The following ZNF431 variants were observed in gnomAD, a reference collection of about 807,000 sequenced individuals.
ZNF431 encodes the protein zinc finger protein 431.
A neutral mutation model predicts 57.0 loss-of-function variants in ZNF431; 34 were observed. The ratio of observed to expected loss-of-function variants is 0.60; its 90% confidence interval spans 0.45 to 0.79. ZNF431 has a LOEUF of 0.79. Ranked by LOEUF, ZNF431 falls within the 30% of genes least tolerant of loss-of-function variation. The pLI is 0.00. For missense variants in ZNF431, 607 were observed against 667.1 expected, an observed-to-expected ratio of 0.91 and a Z score of 0.99; for synonymous variants, 207 against 220.3, an observed-to-expected ratio of 0.94 and a Z score of 0.54.
chr19:21,149,318 AT>A (rs1216800907), intron 2 of ZNF431, among the ~76,000 whole-genome samples: 1 of 152,232 alleles, frequency 6.6e-6, no homozygotes, highest in Non-Finnish European at 1.5e-5. Flanking sequence ...TATGTGACCT[AT>A]ATAACTTAGA....
Position 21,183,348 on chromosome 19 carries a change from T to C in ZNF431, c.1045T>C (p.Cys349Arg). Reference protein sequence around the residue: ...AGEKPYKCEECDKAFNRFSYL... With the variant: ...AGEKPYKCEERDKAFNRFSYL... Reference sequence around the variant, plus strand: ...AGAGAAACCCTACAAATGTGAGGAATGTGACAAAGCTTTTAATCGATTCTC... The same window carrying C: ...AGAGAAACCCTACAAATGTGAGGAACGTGACAAAGCTTTTAATCGATTCTC... Residue 349 changes from cysteine to arginine, a missense_variant, in exon 5 of 5, where the codon TGT becomes CGT. Cys to Arg is a radical substitution (Grantham distance 180, BLOSUM62 -3). Transcript: ENST00000311048. 6.2e-7 allele frequency: 1 copy of C among 1,613,860 alleles called. No individual in the cohort carries two copies. Among genetic ancestry groups the C allele is most frequent in the Non-Finnish European group, 8.5e-7 (1 of 1,179,884 alleles).
rs62124928 is a variant in ZNF431 at position 21,191,713 on chromosome 19, T to G, written c.*7679T>G. The G allele has an allele frequency of 6.6e-6, 1 of 152,240 alleles. No individual in the cohort carries two copies. Among genetic ancestry groups the G allele is most frequent in the Non-Finnish European group, 1.5e-5 (1 of 68,050 alleles). The allele number at this position is 152,240 out of a possible 1,614,324, so 9.4% of individuals were successfully genotyped here. A position where few individuals can be genotyped will look rare whatever the true frequency, so the allele number is the denominator to read the frequency against. ...TGTAAATACATGGATATATTTCTGC[T>G]GTTTTTTTCTTCTGCTCCATTGACC... On this transcript the variant is annotated 3_prime_UTR_variant, in exon 5 of 5. Coordinates refer to ENST00000311048, the MANE Select transcript of ZNF431 (RefSeq NM_133473.4).
In ZNF431 at chr19:21,184,322, T is replaced by C; in HGVS notation, c.*288T>C. On this transcript the variant is annotated 3_prime_UTR_variant, in exon 5 of 5. Coordinates refer to ENST00000311048, the MANE Select transcript of ZNF431 (RefSeq NM_133473.4). ...CCAAGATTGTACCACTGCACTCCAG[T>C]TTGGCAACAGAGTGAGACTCCGTCT... The C allele has an allele frequency of 4.1e-6, 1 of 242,954 alleles. No homozygotes were observed. The highest frequency in any genetic ancestry group is 2.2e-5 in the African/African-American group (1 of 44,584). The allele number at this position is 242,954 out of a possible 1,614,324, so 15.0% of individuals were successfully genotyped here.
intron 4 of ZNF431, among the ~76,000 whole-genome samples, chr19:21,181,917 G>A (rs1192837122): frequency 6.6e-6 from 1 of 152,044 alleles, no homozygotes; most frequent in Non-Finnish European, 1.5e-5. Context: ...TTATAATGTA[G>A]CTTTGTCCTG....
Position 21,193,509 on chromosome 19 carries a change from G to C in ZNF431, c.*9475G>C, listed in dbSNP as rs1306850357. The C allele has an allele frequency of 3.9e-5, 6 of 152,198 alleles. No homozygotes were observed. Among genetic ancestry groups the C allele is most frequent in the Admixed American group, 3.3e-4 (5 of 15,258 alleles). 9.4% of individuals were successfully genotyped at this position (152,198 alleles called of 1,614,324 possible). A position where few individuals can be genotyped will look rare whatever the true frequency, so the allele number is the denominator to read the frequency against. On this transcript the variant is annotated 3_prime_UTR_variant, in exon 5 of 5. Transcript: ENST00000311048. ...GCCATTGCACTCCAGCCTAGGCAATGAGTGAAACTCCATCTCAAAATAAAT... is the reference window on the plus strand; with the variant it reads ...GCCATTGCACTCCAGCCTAGGCAATCAGTGAAACTCCATCTCAAAATAAAT...
In ZNF431 at chr19:21,190,425, C is replaced by T. The variant is rs1411413378; in HGVS notation, c.*6391C>T. On this transcript the variant is annotated 3_prime_UTR_variant, in exon 5 of 5. Coordinates refer to ENST00000311048, the MANE Select transcript of ZNF431 (RefSeq NM_133473.4). ...ATCTGTATTTTGTTTTTCGTAATGG[C>T]TATCCTCATTTACGTTCACACCAAC... is the stretch of plus-strand genomic sequence containing the variant. The T allele has an allele frequency of 2.6e-5, 4 of 152,128 alleles. No homozygotes were observed. Among genetic ancestry groups the T allele is most frequent in the African/African-American group, 7.2e-5 (3 of 41,438 alleles). The allele number at this position is 152,128 out of a possible 1,614,324, so 9.4% of individuals were successfully genotyped here. A position where few individuals can be genotyped will look rare whatever the true frequency, so the allele number is the denominator to read the frequency against.
At chr19:21,182,385 C>T (rs1002810544) in intron 4 of ZNF431, among the ~76,000 whole-genome samples, 2 of 152,166 alleles carry the variant, frequency 1.3e-5, no homozygotes, top group Non-Finnish European at 1.5e-5. Context: ...CTTTGCATTC[C>T]TGTGTACTCA....
At chr19:21,178,601 CA>C (rs1344667204) in intron 4 of ZNF431, among the ~76,000 whole-genome samples, 5 of 152,030 alleles carry the variant, frequency 3.3e-5, no homozygotes, top group African/African-American at 1.2e-4. Flanking sequence ...TGATGAATTA[CA>C]TCGATTTTTG....
chr19:21,143,516 G>A, intron 1 of ZNF431, 35 bp from the exon 2 acceptor site: 1 of 1,541,958 alleles, frequency 6.5e-7, no homozygotes. Context: ...AAAGTGCCTA[G>A]TGAATATCAG....
In ZNF431 at chr19:21,183,552, A is replaced by G. The variant is rs755497434; in HGVS notation, c.1249A>G (p.Thr417Ala). ...CTTTAATGAGTCCTCAAACCTTACT[A>G]CACATAAGATGATTCATACTGGAGA... ...KAFNESSNLT[T>A]HKMIHTGEKP... The change falls in exon 5 of 5, where the codon ACA (threonine) becomes GCA (alanine). Residue 417 changes from threonine (T) to alanine (A), a missense_variant. Transcript: ENST00000311048. 1.9e-6 allele frequency: 3 copies of G among 1,613,490 alleles called. No individual in the cohort carries two copies. The highest frequency in any genetic ancestry group is 3.3e-5 in the Admixed American group (2 of 59,996).
chr19:21,183,121 C>G lies in ZNF431; in HGVS notation c.818C>G (p.Ser273Ter). 6.2e-7 allele frequency: 1 copy of G among 1,613,996 alleles called. No individual in the cohort carries two copies. The highest frequency in any genetic ancestry group is 8.5e-7 in the Non-Finnish European group (1 of 1,179,962). ...EECGKAFKQS[S>*]TLTTHKIIHT... ...TGTGGCAAAGCTTTTAAGCAGTCCT[C>G]AACCCTTACTACACATAAGATAATT... Residue 273 changes from serine (S) to a stop codon, truncating the protein, a stop_gained, in exon 5 of 5, where the codon TCA becomes TGA. Coordinates refer to ENST00000311048, the MANE Select transcript of ZNF431 (RefSeq NM_133473.4). LOFTEE classifies it high-confidence loss of function.
intron 4 of ZNF431, among the ~76,000 whole-genome samples, chr19:21,172,505 G>A (rs1243784309): frequency 1.3e-5 from 2 of 151,826 alleles, no homozygotes; most frequent in African/African-American, 2.4e-5. Context: ...CTATTTAAGT[G>A]CACATTTCAG....
At chr19:21,162,790 C>T (rs2144981396) in intron 2 of ZNF431, 2 of 983,280 alleles carry the variant, frequency 2.0e-6, no homozygotes, top group East Asian at 2.3e-4. Context: ...TTTTGGGATC[C>T]TAATTTTTAA....
intron 2 of ZNF431, among the ~76,000 whole-genome samples, chr19:21,148,926 C>G (rs1970187465): frequency 6.6e-6 from 1 of 152,118 alleles, no homozygotes; most frequent in South Asian, 2.1e-4. Flanking sequence ...AGTGAACAGT[C>G]ATAGTGGCAT....
rs10600309 is a variant in ZNF431, at chr19:21,161,166, C to CTAAA, written c.97-5144_97-5141dup. Among the ~76,000 whole-genome samples the CTAAA allele has an allele frequency of 1.1e-3, 172 of 150,414 alleles. 1 individual carries two copies. Among genetic ancestry groups the CTAAA allele is most frequent in the African/African-American group, 3.8e-3 (154 of 40,854 alleles). On this transcript the variant is annotated intron_variant, in intron 2 of 4. Transcript: ENST00000311048. Reference sequence around the variant, plus strand: ...CTGGTGACAGAGCAAAGTTCCATCTCTAAATAAATAAATAAATAAATAAAT... The same window carrying CTAAA: ...CTGGTGACAGAGCAAAGTTCCATCTCTAAATAAATAAATAAATAAATAAATAAAT...
Position 21,186,995 on chromosome 19 carries a change from T to TTA in ZNF431, c.*2968_*2969dup, listed in dbSNP as rs1226896383. On this transcript the variant is annotated 3_prime_UTR_variant, in exon 5 of 5. Transcript: ENST00000311048. The stretch of plus-strand genomic sequence containing the variant: ...GGCTTCATTAGTCATGAGGATGTTT[T>TTA]TATATATAAATGTAGCAAACATATA... 2.6e-5 allele frequency: 4 copies of TTA among 152,194 alleles called. No homozygotes were observed. The highest frequency in any genetic ancestry group is 4.4e-5 in the Non-Finnish European group (3 of 68,024). 9.4% of individuals were successfully genotyped at this position (152,194 alleles called of 1,614,324 possible).
intron 2 of ZNF431, among the ~76,000 whole-genome samples, chr19:21,156,962 A>G (rs1970433163): frequency 6.6e-6 from 1 of 152,062 alleles, no homozygotes; most frequent in African/African-American, 2.4e-5. Context: ...TATCTTTTGT[A>G]GAGATGAGTT....
At chr19:21,154,211 T>A (rs1970357786) in intron 2 of ZNF431, among the ~76,000 whole-genome samples, 1 of 152,112 alleles carries the variant, frequency 6.6e-6, no homozygotes, top group Admixed American at 6.5e-5. Context: ...GATGTTCCCC[T>A]TCCTGTGTCC....
At chr19:21,144,438 AGAT>A (rs1781851812) in intron 2 of ZNF431, among the ~76,000 whole-genome samples, 1 of 152,116 alleles carries the variant, frequency 6.6e-6, no homozygotes, top group Non-Finnish European at 1.5e-5. Context: ...TCCTGACCTC[AGAT>A]GATCTGCCTG....
Sources: gnomAD v4.1 joint callset for allele counts (sites outside exome capture counted in the v4.1 genomes callset) on GRCh38, gnomAD v4.1.1 for gene constraint, MANE v1.5 for transcripts, NCBI Gene and HGNC (gene_info 2026-07-23, HGNC 2026-07-21) for gene names.